Variants in EXOC4 observed in about 807,000 individuals in gnomAD.
EXOC4 encodes exocyst complex component 4, also known as SEC8-like 1.
In EXOC4, 71 loss-of-function variants were observed where a neutral mutation model predicts 107.2. That is an observed-to-expected ratio of 0.66 (90% CI 0.55 to 0.81). The LOEUF (loss-of-function observed/expected upper bound fraction) is 0.81. Among genes scored for constraint, EXOC4 ranks in the 30% least tolerant of loss-of-function variants. The pLI is 0.00. For synonymous variants in EXOC4, 456 were observed against 441.2 expected (o/e 1.03, Z -0.42); for missense variants, 1,108 against 1,189.6 (o/e 0.93, Z 1.01).
At chr7:133,440,814 C>T (rs950782044) in intron 7 of EXOC4, among the ~76,000 whole-genome samples, 3 of 152,214 alleles carry the variant, frequency 2.0e-5, no homozygotes, top group African/African-American at 7.2e-5. Context: ...GATGAATAAT[C>T]TACCCCTTGT....
chr7:133,436,246 A>G (rs571852886), intron 7 of EXOC4, among the ~76,000 whole-genome samples: 24 of 152,170 alleles, frequency 1.6e-4, no homozygotes, highest in Admixed American at 1.0e-3. Flanking sequence ...TTCAGCTGCT[A>G]TGTCTGTACT....
intron 7 of EXOC4, among the ~76,000 whole-genome samples, chr7:133,442,553 A>G (rs2150793898): frequency 6.6e-6 from 1 of 152,204 alleles, no homozygotes; most frequent in East Asian, 1.9e-4. Flanking sequence ...GCCTCAGGCT[A>G]GTGGGGATGG....
Position 133,519,706 on chromosome 7 carries a change from T to G in EXOC4, c.1417+39568T>G, listed in dbSNP as rs115366153. ...ACCTAATTAGCCTCCAAATGAGAAT[T>G]CAAAATAGTTTAGAGAAGTTGAGCA... On this transcript the variant is annotated intron_variant, in intron 9 of 17. Transcript: ENST00000253861. Among the ~76,000 whole-genome samples, 1,288 of 152,246 alleles carry G rather than the reference T, an allele frequency of 8.5e-3. 22 individuals carry two copies. The highest frequency in any genetic ancestry group is 0.029 in the African/African-American group (1,220 of 41,540).
intron 12 of EXOC4, among the ~76,000 whole-genome samples, chr7:133,912,120 G>A (rs748586941): frequency 6.6e-6 from 1 of 152,210 alleles, no homozygotes; most frequent in Non-Finnish European, 1.5e-5. Context: ...TGATGGGTAG[G>A]TTTGGCCCAC....
chr7:133,864,718 A>G (rs1318165483), intron 11 of EXOC4, among the ~76,000 whole-genome samples: 1 of 152,210 alleles, frequency 6.6e-6, no homozygotes, highest in Non-Finnish European at 1.5e-5. Context: ...TATATGTGCC[A>G]GAAAGGGAAA....
chr7:133,887,069 C>A (rs937223093), intron 11 of EXOC4, among the ~76,000 whole-genome samples: 1 of 152,170 alleles, frequency 6.6e-6, no homozygotes, highest in African/African-American at 2.4e-5. Context: ...TAGAATTAAA[C>A]CATGGCATTC....
chr7:134,010,641 G>A (rs1000138406), intron 17 of EXOC4, among the ~76,000 whole-genome samples: 6 of 152,150 alleles, frequency 3.9e-5, no homozygotes, highest in Admixed American at 2.0e-4. Flanking sequence ...CATTCCTTAA[G>A]CAATGTTTAA....
At chr7:133,326,270 A>T (rs1795238013) in intron 5 of EXOC4, among the ~76,000 whole-genome samples, 1 of 152,070 alleles carries the variant, frequency 6.6e-6, no homozygotes, top group African/African-American at 2.4e-5. Flanking sequence ...GTTCCTTTGG[A>T]GGGGGAGAGG....
At chr7:133,827,135 A>G (rs11489675) in intron 11 of EXOC4, among the ~76,000 whole-genome samples, 18,039 of 152,226 alleles carry the variant, frequency 0.12, 1,184 homozygotes, top group Middle Eastern at 0.15. Context: ...ACATAGTGTC[A>G]TGGAATAGGA....
chr7:134,072,592 GC>G, the EXOC4 span, among the ~76,000 whole-genome samples: 1 of 152,148 alleles, frequency 6.6e-6, no homozygotes, highest in Non-Finnish European at 1.5e-5. Flanking sequence ...AATTCCTTCT[GC>G]TTAAACTGTT....
At chr7:134,048,762 T>C (rs1405760791) in intron 17 of EXOC4, among the ~76,000 whole-genome samples, 1 of 152,206 alleles carries the variant, frequency 6.6e-6, no homozygotes, top group Non-Finnish European at 1.5e-5. Context: ...TGTTCTTTAC[T>C]GAGGTGCTGC....
intron 17 of EXOC4, among the ~76,000 whole-genome samples, chr7:134,048,272 C>G (rs1226452800): frequency 6.6e-6 from 1 of 152,172 alleles, no homozygotes; most frequent in Non-Finnish European, 1.5e-5. Flanking sequence ...CTGCATGACT[C>G]CTAAGCCATA....
chr7:133,323,904 A>G (rs907501269), intron 5 of EXOC4, among the ~76,000 whole-genome samples: 1 of 152,164 alleles, frequency 6.6e-6, no homozygotes. Flanking sequence ...TTATTGGTCT[A>G]TTCAGAGATT....
At chr7:134,077,427 C>G in the EXOC4 span, among the ~76,000 whole-genome samples, 1 of 152,292 alleles carries the variant, frequency 6.6e-6, no homozygotes, top group Non-Finnish European at 1.5e-5. Flanking sequence ...ACAGACAAAC[C>G]CAGAAATAAT....
chr7:133,674,073 T>G (rs1395963424), intron 10 of EXOC4, among the ~76,000 whole-genome samples: 1 of 152,180 alleles, frequency 6.6e-6, no homozygotes, highest in Non-Finnish European at 1.5e-5. Context: ...ACTCTCCAGA[T>G]TTTAAACCTG....
chr7:133,612,703 G>C (rs995748502), intron 9 of EXOC4, among the ~76,000 whole-genome samples: 1 of 152,188 alleles, frequency 6.6e-6, no homozygotes. Context: ...GAGGCAGATG[G>C]TGGTGGCTTG....
At chr7:133,568,497 T>A (rs1168658297) in intron 9 of EXOC4, among the ~76,000 whole-genome samples, 1 of 152,220 alleles carries the variant, frequency 6.6e-6, no homozygotes, top group Non-Finnish European at 1.5e-5. Context: ...GTTTTACATT[T>A]AAATTTTCAA....
At chr7:134,012,547 GA>G (rs1563091138) in intron 17 of EXOC4, among the ~76,000 whole-genome samples, 1 of 152,192 alleles carries the variant, frequency 6.6e-6, no homozygotes, top group Non-Finnish European at 1.5e-5. Context: ...GGAGGGCGGA[GA>G]GGGGGTTCAG....
At chr7:134,067,934 A>G (rs1796209006), downstream of EXOC4, among the ~76,000 whole-genome samples, 2 of 151,968 alleles carry the variant, frequency 1.3e-5, no homozygotes, top group Non-Finnish European at 1.5e-5. Flanking sequence ...CAACTAGAAC[A>G]TTTTCCCCCT....
Sources: gnomAD v4.1 joint callset for allele counts (sites outside exome capture counted in the v4.1 genomes callset) on GRCh38, gnomAD v4.1.1 for gene constraint, MANE v1.5 for transcripts, NCBI Gene and HGNC (gene_info 2026-07-23, HGNC 2026-07-21) for gene names.